The following SNRK variants were observed in gnomAD, a reference collection of about 807,000 sequenced individuals.
SNRK encodes the protein SNF related kinase, also known as SNF-related serine/threonine-protein kinase.
Under a neutral mutation model 48.2 loss-of-function variants are expected in SNRK, and 3 were observed. The observed-to-expected ratio is 0.06, with a 90% CI of 0.03 to 0.16. The LOEUF is 0.16. Ranked by LOEUF, SNRK falls within the 10% of genes least tolerant of loss-of-function variation. The probability of loss-of-function intolerance (pLI) is 1.00; values close to 1 mark genes in which losing one functional copy is unlikely to be tolerated. For synonymous variants in SNRK, 376 were observed against 366.1 expected, an observed-to-expected ratio of 1.03 and a Z score of -0.31; for missense variants, 627 against 976.0, an observed-to-expected ratio of 0.64 and a Z score of 4.76.
chr3:43,296,432 A>ATATATATG lies in SNRK; in HGVS notation c.-168-3321_-168-3320insATATATGT, dbSNP rs1222755865. Among the ~76,000 whole-genome samples, 3 of 145,804 alleles carry ATATATATG rather than the reference A, an allele frequency of 2.1e-5. No individual in the cohort carries two copies. The Admixed American group carries it at 2.1e-4, about 10-fold the overall frequency. On this transcript the variant is annotated intron_variant, in intron 1 of 6. Transcript: ENST00000296088. Reference sequence around the variant, plus strand: ...TATACTGGCATATATATATATATATATGTATATATATATATTTAAGCATTT... The same window carrying ATATATATG: ...TATACTGGCATATATATATATATATATATATATGTGTATATATATATATTTAAGCATTT...
chr3:43,292,316 TAAG>T (rs2090818534), intron 1 of SNRK, among the ~76,000 whole-genome samples: 1 of 152,250 alleles, frequency 6.6e-6, no homozygotes, highest in Admixed American at 6.5e-5. Flanking sequence ...AATTCTCTAA[TAAG>T]CTTATTTCTG....
Position 43,348,681 on chromosome 3 carries a change from C to T in SNRK, c.*124C>T. On this transcript the variant is annotated 3_prime_UTR_variant, in exon 7 of 7. Coordinates refer to ENST00000296088, the MANE Select transcript of SNRK (RefSeq NM_017719.5). ...TTAGGAGCAATTATTTATTACCTTT[C>T]CATTTGTTCGCCTGATGATGTGACA... 3 of 1,056,038 alleles carry T rather than the reference C, an allele frequency of 2.8e-6. No homozygotes were observed. Among genetic ancestry groups the T allele is most frequent in the Non-Finnish European group, 3.8e-6 (3 of 791,884 alleles). 65.4% of individuals were successfully genotyped at this position (1,056,038 alleles called of 1,614,324 possible).
chr3:43,348,371 A>T lies in SNRK; in HGVS notation c.2112A>T (p.Ile704=). Residue 704 remains isoleucine (I), a synonymous_variant, in exon 7 of 7, where the codon ATA becomes ATT. Coordinates refer to ENST00000296088, the MANE Select transcript of SNRK (RefSeq NM_017719.5). ...NAGQVPAVGG[I]KFFSDHMADT... ...GGCAGGTCCCTGCAGTGGGCGGCAT[A>T]AAGTTTTTCTCTGACCACATGGCAG... 1 of 1,607,730 alleles carries T rather than the reference A, an allele frequency of 6.2e-7. No individual in the cohort carries two copies. The highest frequency in any genetic ancestry group is 8.5e-7 in the Non-Finnish European group (1 of 1,177,324).
At chr3:43,322,005 C>T (rs542549530) in intron 3 of SNRK, among the ~76,000 whole-genome samples, 10 of 152,348 alleles carry the variant, frequency 6.6e-5, no homozygotes, top group African/African-American at 9.6e-5. Flanking sequence ...CCTAGCACAG[C>T]GCCTGGCAAA....
At chr3:43,313,292 G>T (rs1384900398) in intron 3 of SNRK, among the ~76,000 whole-genome samples, 1 of 152,034 alleles carries the variant, frequency 6.6e-6, no homozygotes, top group Non-Finnish European at 1.5e-5. Context: ...ATTTATAATA[G>T]CCATAAACTG....
chr3:43,330,940 T>C (rs889744899), intron 3 of SNRK, among the ~76,000 whole-genome samples: 1 of 152,236 alleles, frequency 6.6e-6, no homozygotes, highest in African/African-American at 2.4e-5. Context: ...AAAAATCACA[T>C]TGTATGTAAC....
intron 3 of SNRK, among the ~76,000 whole-genome samples, chr3:43,309,508 A>G (rs1014094870): frequency 6.6e-6 from 1 of 152,186 alleles, no homozygotes; most frequent in African/African-American, 2.4e-5. Flanking sequence ...ACCTTCAGCA[A>G]CCACCACCCT....
chr3:43,334,029 C>G (rs1263062356), intron 4 of SNRK, among the ~76,000 whole-genome samples: 1 of 151,984 alleles, frequency 6.6e-6, no homozygotes. Context: ...GCCTGTAATC[C>G]CAGCTACTCA....
At position 43,338,476 on chromosome 3, in the gene SNRK, T is replaced by C. The variant is rs543961770; in HGVS notation, c.732-1811T>C. Among the ~76,000 whole-genome samples, 9 of 152,394 alleles carry C rather than the reference T, an allele frequency of 5.9e-5. 1 individual carries two copies. In the South Asian group the frequency reaches 1.9e-3, roughly 32 times the overall value. ...ATCTTATCATCTTCTTGTCTCCACG[T>C]AGGTGTCCTGTCTTCACTTAGGCTG... On this transcript the variant is annotated intron_variant, in intron 4 of 6. Coordinates refer to ENST00000296088, the MANE Select transcript of SNRK (RefSeq NM_017719.5).
At chr3:43,299,214 G>A (rs758949611) in intron 1 of SNRK, among the ~76,000 whole-genome samples, 70 of 152,180 alleles carry the variant, frequency 4.6e-4, no homozygotes, top group Non-Finnish European at 8.4e-4. Context: ...GTCTCGCTTT[G>A]TCACCCAGGT....
chr3:43,289,708 C>T (rs1429962572), intron 1 of SNRK: 1 of 152,672 alleles, frequency 6.5e-6, no homozygotes, highest in Non-Finnish European at 1.5e-5. Context: ...TTTGCCCTCC[C>T]TGAACATTTA....
intron 1 of SNRK, among the ~76,000 whole-genome samples, chr3:43,294,344 A>G (rs1312094477): frequency 2.0e-5 from 3 of 151,904 alleles, no homozygotes; most frequent in Non-Finnish European, 4.4e-5. Context: ...CCAAGTCTAA[A>G]CATGAAATTA....
intron 3 of SNRK, among the ~76,000 whole-genome samples, chr3:43,322,371 A>C (rs777645466): frequency 6.6e-6 from 1 of 152,272 alleles, no homozygotes; most frequent in Non-Finnish European, 1.5e-5. Context: ...AGAAAGAGTC[A>C]TAAGAAAAAG....
At chr3:43,339,447 T>C (rs2091215618) in intron 4 of SNRK, among the ~76,000 whole-genome samples, 1 of 152,208 alleles carries the variant, frequency 6.6e-6, no homozygotes, top group Non-Finnish European at 1.5e-5. Context: ...GGTTCTGTTT[T>C]ACTTCATTTT....
Position 43,303,062 on chromosome 3 carries a change from C to T in SNRK, c.-106-36C>T. 1.9e-6 allele frequency: 1 copy of T among 539,886 alleles called. No homozygotes were observed. The highest frequency in any genetic ancestry group is 3.1e-6 in the Non-Finnish European group (1 of 326,518). 33.4% of individuals were successfully genotyped at this position (539,886 alleles called of 1,614,324 possible). On this transcript the variant is annotated intron_variant, in intron 2 of 6. Transcript: ENST00000296088. The surrounding 1 kb of genome is among the most constrained non-coding windows in gnomAD (Gnocchi z 6.2). The stretch of plus-strand genomic sequence containing the variant: ...TTTTAAAGTTTGTGAAGAAAAGTCG[C>T]AGAAACTTAATTTTGTTTCTCTTCT...
At chr3:43,321,441 C>T (rs539245073) in intron 3 of SNRK, among the ~76,000 whole-genome samples, 1 of 152,254 alleles carries the variant, frequency 6.6e-6, no homozygotes, top group South Asian at 2.1e-4. Context: ...CACCAGGAGG[C>T]AAGCAAATAA....
At chr3:43,324,030 G>A (rs1318250465) in intron 3 of SNRK, among the ~76,000 whole-genome samples, 1 of 152,134 alleles carries the variant, frequency 6.6e-6, no homozygotes, top group African/African-American at 2.4e-5. Context: ...TCAGAACTTG[G>A]AGAAATGCAC....
chr3:43,312,590 T>C (rs1213226324), intron 3 of SNRK, among the ~76,000 whole-genome samples: 6 of 152,160 alleles, frequency 3.9e-5, no homozygotes, highest in African/African-American at 9.7e-5. Context: ...AAGGCAAGGA[T>C]ATACATATAT....
In SNRK at chr3:43,321,607, G is replaced by A. The variant is rs190033656; in HGVS notation, c.590-10562G>A. 2.0e-5 allele frequency among the ~76,000 whole-genome samples: 3 copies of A among 152,110 alleles called. No individual in the cohort carries two copies. The East Asian group carries it at 5.8e-4, about 29-fold the overall frequency. ...AGTAAATTCGTATTTCCAGCTGTCAGCTGATAGGTAACAGGGACCTCCTAA... is the reference window on the plus strand; with the variant it reads ...AGTAAATTCGTATTTCCAGCTGTCAACTGATAGGTAACAGGGACCTCCTAA... On this transcript the variant is annotated intron_variant, in intron 3 of 6. Coordinates refer to ENST00000296088, the MANE Select transcript of SNRK (RefSeq NM_017719.5).
Sources: gnomAD v4.1 joint callset for allele counts (sites outside exome capture counted in the v4.1 genomes callset) on GRCh38, gnomAD v4.1.1 for gene constraint, Gnocchi (gnomAD v3.1) non-coding constraint, MANE v1.5 for transcripts, NCBI Gene and HGNC (gene_info 2026-07-23, HGNC 2026-07-21) for gene names.